The following ZC3H3 variants were observed in gnomAD, a reference collection of about 807,000 sequenced individuals.
ZC3H3 encodes zinc finger CCCH-type containing 3, also known as zinc finger CCCH domain-containing protein 3.
Under a neutral mutation model 77.3 loss-of-function variants are expected in ZC3H3, and 36 were observed. That is an observed-to-expected ratio of 0.47 (90% confidence interval 0.36 to 0.61). The LOEUF (loss-of-function observed/expected upper bound fraction) is 0.61. Among genes scored for constraint, ZC3H3 ranks in the 20% least tolerant of loss-of-function variants. ZC3H3 has a pLI of 0.00. For synonymous variants in ZC3H3, 626 were observed against 555.2 expected (o/e 1.13, Z -1.79); for missense variants, 1,331 against 1,312.2 (o/e 1.01, Z -0.22).
At chr8:143,535,042 G>A (rs1822749542) in intron 3 of ZC3H3, among the ~76,000 whole-genome samples, 1 of 152,002 alleles carries the variant, frequency 6.6e-6, no homozygotes, top group African/African-American at 2.4e-5. Context: ...CGGTACGCTT[G>A]GCTGGGTTTC....
chr8:143,538,325 C>T lies in ZC3H3; in HGVS notation c.1042G>A (p.Val348Met). Residue 348 changes from valine to methionine, a missense_variant, in exon 2 of 12, where the codon GTG (valine) becomes ATG (methionine). Coordinates refer to ENST00000262577, the MANE Select transcript of ZC3H3 (RefSeq NM_015117.3). ...TCAGCTATGAGCTGCGGCTTCTCCACCTTGTTTGCCATGCCAGCAGAGGCC... is the reference window on the plus strand; with the variant it reads ...TCAGCTATGAGCTGCGGCTTCTCCATCTTGTTTGCCATGCCAGCAGAGGCC... ...CKASAGMANK[V>M]EKPQLIADPE... The T allele has an allele frequency of 3.1e-6, 5 of 1,612,990 alleles. No individual in the cohort carries two copies. The highest frequency in any genetic ancestry group is 4.2e-6 in the Non-Finnish European group (5 of 1,180,034).
chr8:143,532,903 G>A (rs1162928676), intron 3 of ZC3H3, among the ~76,000 whole-genome samples: 4 of 152,172 alleles, frequency 2.6e-5, no homozygotes, highest in Non-Finnish European at 4.4e-5. Flanking sequence ...GGGGTCAGCC[G>A]CCTGAGTGAC....
chr8:143,468,493 C>T lies in ZC3H3; in HGVS notation c.1994G>A (p.Arg665His), dbSNP rs760650010. Residue 665 changes from arginine to histidine, a missense_variant, in exon 7 of 12, where the codon CGC (arginine) becomes CAC (histidine). By Grantham distance (29) the Arg-to-His change is conservative. Around this residue, in one of 3 missense-constraint regions of ZC3H3, gnomAD observed 978 missense variants for 915.5 expected, o/e 1.07. Transcript: ENST00000262577. ...GCAGTACTCCTTCCTCTTCTCCCTGCGCTGCCGCGCCTGCCGGATGATGGC... is the reference window on the plus strand; with the variant it reads ...GCAGTACTCCTTCCTCTTCTCCCTGTGCTGCCGCGCCTGCCGGATGATGGC... ...SLAIIRQARQ[R>H]REKRKEYCMY... is the part of the protein sequence containing the mutation. The T allele has an allele frequency of 3.4e-5, 55 of 1,608,248 alleles. No homozygotes were observed. The highest frequency in any genetic ancestry group is 1.3e-4 in the East Asian group (6 of 44,574).
intron 3 of ZC3H3, among the ~76,000 whole-genome samples, chr8:143,529,704 G>A (rs1024452602): frequency 2.6e-5 from 4 of 152,198 alleles, no homozygotes; most frequent in Admixed American, 6.5e-5. Flanking sequence ...AGAGAGCGCC[G>A]TGTGCCTGAG....
Position 143,475,464 on chromosome 8 carries a change from C to A in ZC3H3, c.1837G>T (p.Ala613Ser). The A allele has an allele frequency of 6.2e-7, 1 of 1,613,208 alleles. No individual in the cohort carries two copies. Among genetic ancestry groups the A allele is most frequent in the South Asian group, 1.1e-5 (1 of 91,076 alleles). The change falls in exon 5 of 12, where the codon GCC becomes TCC. Residue 613 changes from alanine to serine, a missense_variant. Transcript: ENST00000262577. ...CIGGVLYKVSANKLSKTSGQP... is the reference protein window; with the variant it reads ...CIGGVLYKVSSNKLSKTSGQP... ...CCGGAGGTCTTGGAGAGCTTGTTGG[C>A]AGATACTTTGTAGAGGACCCCTCCG...
chr8:143,508,355 T>C (rs1821771602), intron 3 of ZC3H3, among the ~76,000 whole-genome samples: 1 of 152,182 alleles, frequency 6.6e-6, no homozygotes, highest in East Asian at 1.9e-4. Context: ...TCCTGGCCTG[T>C]GCCCTGCACA....
chr8:143,440,349 G>A lies in ZC3H3; in HGVS notation c.2507C>T (p.Ser836Phe). The A allele has an allele frequency of 6.5e-7, 1 of 1,527,992 alleles. No homozygotes were observed. The highest frequency in any genetic ancestry group is 2.3e-5 in the East Asian group (1 of 43,772). The allele number at this position is 1,527,992 out of a possible 1,614,324, so 94.7% of individuals were successfully genotyped here. A position where few individuals can be genotyped will look rare whatever the true frequency, so the allele number is the denominator to read the frequency against. The change falls in exon 11 of 12, where the codon TCC (serine) becomes TTC (phenylalanine). Residue 836 changes from serine to phenylalanine, a missense_variant. Physicochemically the swap from Ser to Phe is radical, Grantham distance 155. Around this residue, in one of 3 missense-constraint regions of ZC3H3, gnomAD observed 249 missense variants for 236.9 expected, o/e 1.05. Transcript: ENST00000262577. ...GGGCGTCTGCCTGGTGGGGCGCTGG[G>A]ATGCTGAAGGCTTCCTGCAGGGAAG... ...ASHGPRKPSASQRPTRQTPSS... is the reference protein window; with the variant it reads ...ASHGPRKPSAFQRPTRQTPSS...
intron 9 of ZC3H3, among the ~76,000 whole-genome samples, chr8:143,459,896 T>C (rs1467216270): frequency 6.6e-6 from 1 of 152,108 alleles, no homozygotes; most frequent in Non-Finnish European, 1.5e-5. Context: ...TCTTCTAAGA[T>C]GAGGAAAAAG....
Position 143,536,251 on chromosome 8 carries a change from G to C in ZC3H3, c.1561+6C>G. 4 of 1,608,704 alleles carry C rather than the reference G, an allele frequency of 2.5e-6. No homozygotes were observed. The highest frequency in any genetic ancestry group is 2.5e-6 in the Non-Finnish European group (3 of 1,178,978). ...CCAGTGCCCAGCGCCCCTGCTCCCA[G>C]CATACCTTCCTTGGTGGGGAGGTGG... On this transcript the variant is annotated splice_donor_region_variant and intron_variant, in intron 3 of 11. Transcript: ENST00000262577.
chr8:143,501,239 C>T (rs1356057020), intron 4 of ZC3H3, among the ~76,000 whole-genome samples: 1 of 151,826 alleles, frequency 6.6e-6, no homozygotes, highest in East Asian at 1.9e-4. Context: ...CTTGATCTGT[C>T]GCCCAGACTG....
intron 5 of ZC3H3, among the ~76,000 whole-genome samples, chr8:143,473,980 C>T (rs935222118): frequency 2.0e-5 from 3 of 152,094 alleles, no homozygotes; most frequent in African/African-American, 7.2e-5. Context: ...CTCCAGAGTC[C>T]GAGGATCAGA....
At chr8:143,446,127 G>A (rs1819858204) in intron 9 of ZC3H3, among the ~76,000 whole-genome samples, 3 of 152,126 alleles carry the variant, frequency 2.0e-5, no homozygotes, top group African/African-American at 7.2e-5. Flanking sequence ...GCCAGGCGCT[G>A]TGGCAAAATG....
chr8:143,461,069 A>C (rs950999525), intron 9 of ZC3H3, among the ~76,000 whole-genome samples: 2 of 152,200 alleles, frequency 1.3e-5, no homozygotes, highest in African/African-American at 4.8e-5. Flanking sequence ...ACTAAGTGCC[A>C]TTTTGACGCT....
In ZC3H3 at chr8:143,536,183, T is replaced by A. The variant is rs577426885; in HGVS notation, c.1561+74A>T. On this transcript the variant is annotated intron_variant, in intron 3 of 11. Transcript: ENST00000262577. Reference sequence around the variant, plus strand: ...CAGCATGAGGCAGGGAAGGTGCCCATGGCTCCTAACACGCCAGCATATCCC... The same window carrying A: ...CAGCATGAGGCAGGGAAGGTGCCCAAGGCTCCTAACACGCCAGCATATCCC... 73 of 1,493,892 alleles carry A rather than the reference T, an allele frequency of 4.9e-5. No homozygotes were observed. The South Asian group carries it at 6.3e-4, about 13-fold the overall frequency. 92.5% of individuals were successfully genotyped at this position (1,493,892 alleles called of 1,614,324 possible). A position where few individuals can be genotyped will look rare whatever the true frequency, so the allele number is the denominator to read the frequency against.
chr8:143,536,156 A>G, intron 3 of ZC3H3, 101 bp downstream of exon 3: 1 of 1,382,728 alleles, frequency 7.2e-7, no homozygotes, highest in South Asian at 1.4e-5. Flanking sequence ...CAGGGCCTCT[A>G]CCAGCATGAG....
chr8:143,521,185 CCAA>C (rs1822230854), intron 3 of ZC3H3, among the ~76,000 whole-genome samples: 1 of 152,190 alleles, frequency 6.6e-6, no homozygotes, highest in African/African-American at 2.4e-5. Flanking sequence ...AGAGGCCTTG[CCAA>C]CGAGACGAGG....
chr8:143,513,734 G>A (rs1386214552), intron 3 of ZC3H3, among the ~76,000 whole-genome samples: 4 of 152,210 alleles, frequency 2.6e-5, no homozygotes, highest in Non-Finnish European at 4.4e-5. Flanking sequence ...AACAGCTCTC[G>A]CTGTTCCTGG....
chr8:143,440,382 C>T lies in ZC3H3; in HGVS notation c.2493-19G>A. The stretch of plus-strand genomic sequence containing the variant: ...AGGCTTCCTGCAGGGAAGGAAGGGG[C>T]AGACGTGTGAGGTGGGGTGACGGGT... On this transcript the variant is annotated intron_variant, in intron 10 of 11. Transcript: ENST00000262577. The T allele has an allele frequency of 1.3e-6, 2 of 1,510,506 alleles. No homozygotes were observed. The highest frequency in any genetic ancestry group is 2.6e-5 in the South Asian group (2 of 77,108). 93.6% of individuals were successfully genotyped at this position (1,510,506 alleles called of 1,614,324 possible).
chr8:143,475,917 G>A (rs923081930), intron 4 of ZC3H3, among the ~76,000 whole-genome samples: 11 of 152,180 alleles, frequency 7.2e-5, no homozygotes, highest in Non-Finnish European at 1.3e-4. Flanking sequence ...GGGCAGCGTC[G>A]TCCTCCAGTG....
Sources: gnomAD v4.1 joint callset for allele counts (sites outside exome capture counted in the v4.1 genomes callset) on GRCh38, gnomAD v4.1.1 for gene constraint, gnomAD v4.1.1 regional missense constraint, MANE v1.5 for transcripts, NCBI Gene and HGNC (gene_info 2026-07-23, HGNC 2026-07-21) for gene names.